TMEFF1: variants seen among roughly 807,000 people sequenced by gnomAD.
TMEFF1 encodes tomoregulin-1.
In TMEFF1, 20 loss-of-function variants were observed where a neutral mutation model predicts 47.5. That is an observed-to-expected ratio of 0.42 (90% CI 0.30 to 0.61). TMEFF1 has a LOEUF of 0.61. Ranked by LOEUF, TMEFF1 falls within the 20% of genes least tolerant of loss-of-function variation. TMEFF1 has a pLI of 0.19. For synonymous variants in TMEFF1, 162 were observed against 166.3 expected (o/e 0.97, Z 0.20); for missense variants, 411 against 471.1 (o/e 0.87, Z 1.18).
rs78599880 is a variant in TMEFF1 at position 100,564,034 on chromosome 9, G to T, written c.899+2514G>T. Among the ~76,000 whole-genome samples the T allele has an allele frequency of 6.5e-3, 989 of 152,224 alleles. 8 individuals are homozygous for T. Among genetic ancestry groups the T allele is most frequent in the African/African-American group, 0.023 (952 of 41,532 alleles). On this transcript the variant is annotated intron_variant, in intron 8 of 9. Transcript: ENST00000374879. The stretch of plus-strand genomic sequence containing the variant: ...AACAGCCTTTAGCCACAGTCCTATT[G>T]TTAGGTTAAAATCTTCTAGCATTAT...
At chr9:100,517,189 C>T (rs918503669) in intron 5 of TMEFF1, among the ~76,000 whole-genome samples, 9 of 152,234 alleles carry the variant, frequency 5.9e-5, no homozygotes, top group African/African-American at 2.2e-4. Flanking sequence ...AGACATTTAT[C>T]AACAGTCATG....
At chr9:100,527,647 G>A (rs959522703) in intron 5 of TMEFF1, among the ~76,000 whole-genome samples, 2 of 152,164 alleles carry the variant, frequency 1.3e-5, no homozygotes, top group South Asian at 2.1e-4. Context: ...ACTGCAAGGC[G>A]GCAGCGAGGC....
chr9:100,510,072 C>T lies in TMEFF1; in HGVS notation c.436+938C>T, dbSNP rs993492560. On this transcript the variant is annotated intron_variant, in intron 3 of 9. Coordinates refer to ENST00000374879, the MANE Select transcript of TMEFF1 (RefSeq NM_003692.5). ...AGGGGATTTCCACTTCCTTTCTTTC[C>T]CTATATATTACAGTGTTCAGAAATT... 3.3e-5 allele frequency among the ~76,000 whole-genome samples: 5 copies of T among 152,018 alleles called. No homozygotes were observed. In the South Asian group the frequency reaches 8.3e-4, roughly 25 times the overall value.
intron 5 of TMEFF1, among the ~76,000 whole-genome samples, chr9:100,533,056 G>A (rs1458746814): frequency 7.0e-6 from 1 of 142,118 alleles, no homozygotes; most frequent in Non-Finnish European, 1.5e-5. Context: ...CATGGACACA[G>A]GAAGGGGAAT....
At chr9:100,513,238 A>T (rs934749914) in intron 3 of TMEFF1, 69 bp from the exon 4 acceptor site, 6 of 1,569,594 alleles carry the variant, frequency 3.8e-6, no homozygotes, top group Non-Finnish European at 5.2e-6. Flanking sequence ...TTGATAGGAA[A>T]TTTTATTATT....
chr9:100,504,820 T>C (rs1170467017), intron 2 of TMEFF1, among the ~76,000 whole-genome samples: 1 of 152,212 alleles, frequency 6.6e-6, no homozygotes, highest in Non-Finnish European at 1.5e-5. Flanking sequence ...ACACTTAAAG[T>C]TGTAGACTAA....
intron 8 of TMEFF1, among the ~76,000 whole-genome samples, chr9:100,566,336 T>G (rs1159323980): frequency 1.3e-5 from 2 of 152,134 alleles, no homozygotes; most frequent in Non-Finnish European, 2.9e-5. Context: ...TCCATATGCC[T>G]CCTTTACATT....
chr9:100,536,589 T>C (rs1193129761), intron 5 of TMEFF1, among the ~76,000 whole-genome samples: 1 of 152,268 alleles, frequency 6.6e-6, no homozygotes, highest in Non-Finnish European at 1.5e-5. Flanking sequence ...TCTGACCTTT[T>C]AGGATTACAT....
intron 5 of TMEFF1, among the ~76,000 whole-genome samples, chr9:100,542,823 G>A (rs35039632): frequency 0.025 from 3,825 of 151,768 alleles, 61 homozygotes; most frequent in Non-Finnish European, 0.033. Context: ...AAAGTTTGAA[G>A]AGAAGTTGCT....
chr9:100,560,235 GC>G (rs1447149496), intron 7 of TMEFF1, among the ~76,000 whole-genome samples: 2 of 152,142 alleles, frequency 1.3e-5, no homozygotes, highest in Non-Finnish European at 2.9e-5. Context: ...TATTGTACAT[GC>G]ATTTGTTATC....
At chr9:100,568,388 T>G (rs985012329) in intron 8 of TMEFF1, among the ~76,000 whole-genome samples, 1 of 152,216 alleles carries the variant, frequency 6.6e-6, no homozygotes, top group Non-Finnish European at 1.5e-5. Flanking sequence ...CTTCATTATA[T>G]CATTGAATTT....
chr9:100,487,258 G>A (rs1238762483), intron 1 of TMEFF1, among the ~76,000 whole-genome samples: 2 of 152,018 alleles, frequency 1.3e-5, no homozygotes, highest in African/African-American at 4.8e-5. Context: ...CTACCTCCTG[G>A]GTTCAAGCAA....
At chr9:100,527,133 ACT>A (rs1838275424) in intron 5 of TMEFF1, among the ~76,000 whole-genome samples, 1 of 151,510 alleles carries the variant, frequency 6.6e-6, no homozygotes, top group Admixed American at 6.6e-5. Context: ...ACAGAGTGAA[ACT>A]CTGTCTTAAA....
chr9:100,539,587 C>G (rs889473752), intron 5 of TMEFF1, among the ~76,000 whole-genome samples: 10 of 152,092 alleles, frequency 6.6e-5, no homozygotes, highest in African/African-American at 2.4e-4. Flanking sequence ...GGTTTGTGGT[C>G]TTGCTGGCTT....
In TMEFF1 at chr9:100,559,993, G is replaced by A. The variant is rs114766499; in HGVS notation, c.776-1404G>A. 6.6e-3 allele frequency among the ~76,000 whole-genome samples: 998 copies of A among 151,908 alleles called. 10 individuals are homozygous for A. Among genetic ancestry groups the A allele is most frequent in the African/African-American group, 0.022 (913 of 41,442 alleles). ...GTAAATTTTGATCCTCAGAAAATCC[G>A]CGTTTTTGGTTCTCAGGGTTTTTTT... is the stretch of plus-strand genomic sequence containing the variant. On this transcript the variant is annotated intron_variant, in intron 7 of 9. Transcript: ENST00000374879.
intron 5 of TMEFF1, among the ~76,000 whole-genome samples, chr9:100,538,727 T>C (rs1276465284): frequency 1.3e-5 from 2 of 152,254 alleles, no homozygotes; most frequent in Non-Finnish European, 2.9e-5. Context: ...TTCATTTATG[T>C]TGATGCACAT....
chr9:100,530,296 A>G (rs1384332933), intron 5 of TMEFF1, among the ~76,000 whole-genome samples: 2 of 152,188 alleles, frequency 1.3e-5, no homozygotes, highest in Non-Finnish European at 2.9e-5. Flanking sequence ...TGAATCCAGG[A>G]GCTGGTTTTT....
intron 5 of TMEFF1, among the ~76,000 whole-genome samples, chr9:100,530,067 C>G (rs1838346797): frequency 6.6e-6 from 1 of 151,406 alleles, no homozygotes; most frequent in African/African-American, 2.4e-5. Flanking sequence ...CACAACATAC[C>G]AGAATCTCTG....
At chr9:100,480,461 C>G (rs1837320091) in intron 1 of TMEFF1, among the ~76,000 whole-genome samples, 1 of 152,066 alleles carries the variant, frequency 6.6e-6, no homozygotes, top group Non-Finnish European at 1.5e-5. Context: ...TTTGAAAAGA[C>G]TTGATAAAGA....
Sources: gnomAD v4.1 joint callset for allele counts (sites outside exome capture counted in the v4.1 genomes callset) on GRCh38, gnomAD v4.1.1 for gene constraint, MANE v1.5 for transcripts, NCBI Gene and HGNC (gene_info 2026-07-23, HGNC 2026-07-21) for gene names.